The following CFAP57 variants were observed in gnomAD, a reference collection of about 807,000 sequenced individuals.
CFAP57 encodes cilia- and flagella-associated protein 57.
A neutral mutation model predicts 146.8 loss-of-function variants in CFAP57; 116 were observed. That is an observed-to-expected ratio of 0.79 (90% confidence interval 0.68 to 0.92). The LOEUF is 0.92. Ranked by LOEUF, CFAP57 falls within the 40% of genes least tolerant of loss-of-function variation. CFAP57 has a pLI of 0.00. For missense variants in CFAP57, 1,377 were observed against 1,527.2 expected (o/e 0.90, Z 1.64); for synonymous variants, 518 against 552.8 (o/e 0.94, Z 0.88).
intron 11 of CFAP57, 133 bp from the exon 12 acceptor site, chr1:43,215,122 C>T (rs1352665038): frequency 4.1e-6 from 4 of 983,178 alleles, no homozygotes; most frequent in East Asian, 5.3e-5. Context: ...CTCATTCTTA[C>T]CTGGGATCAA....
In CFAP57 at chr1:43,201,701, C is replaced by T. The variant is rs557016189; in HGVS notation, c.1542+2198C>T. Among the ~76,000 whole-genome samples, 18 of 152,298 alleles carry T rather than the reference C, an allele frequency of 1.2e-4. No homozygotes were observed. In the East Asian group the frequency reaches 2.1e-3, roughly 18 times the overall value. ...CACAATCTCAGCTCACCGCAACCTC[C>T]GCCTCCCAGGTTCAAGCGATTCTCC... On this transcript the variant is annotated intron_variant, in intron 9 of 22. Transcript: ENST00000372492. This position sits in a 1 kb window ranked among gnomAD's most constrained non-coding sequence, Gnocchi z 4.4.
chr1:43,219,301 C>A, intron 12 of CFAP57, 81 bp from the exon 13 acceptor site: 1 of 1,421,656 alleles, frequency 7.0e-7, no homozygotes, highest in Non-Finnish European at 9.4e-7. Flanking sequence ...AGCTGCAGGT[C>A]TCAGGTCAAG....
intron 9 of CFAP57, among the ~76,000 whole-genome samples, chr1:43,200,359 C>T (rs1644064463): frequency 6.6e-6 from 1 of 151,766 alleles, no homozygotes; most frequent in Non-Finnish European, 1.5e-5. Flanking sequence ...TGGTGGCACA[C>T]ACCTGTGGTC....
In CFAP57 at chr1:43,172,367, G is replaced by A. The variant is rs1189695676; in HGVS notation, c.-106G>A. The stretch of plus-strand genomic sequence containing the variant: ...TCGTTGCTATAGGAACCGCTACGGC[G>A]TTTGAAAGTGTCCGGGTTGCTTAGG... On this transcript the variant is annotated 5_prime_UTR_variant, in exon 1 of 23. Transcript: ENST00000372492. The A allele has an allele frequency of 7.1e-6, 11 of 1,551,600 alleles. No homozygotes were observed. The highest frequency in any genetic ancestry group is 9.6e-6 in the Non-Finnish European group (11 of 1,146,980).
At chr1:43,242,394 A>G (rs1240381720) in intron 21 of CFAP57, among the ~76,000 whole-genome samples, 2 of 152,244 alleles carry the variant, frequency 1.3e-5, no homozygotes, top group Non-Finnish European at 2.9e-5. Context: ...TAGTATCTCC[A>G]TAATATTGGA....
chr1:43,228,582 G>C (rs1029479321), intron 18 of CFAP57, among the ~76,000 whole-genome samples: 1 of 148,642 alleles, frequency 6.7e-6, no homozygotes, highest in African/African-American at 2.5e-5. Context: ...GGGCCAGGGG[G>C]CCCAGAGAGG....
intron 7 of CFAP57, among the ~76,000 whole-genome samples, chr1:43,198,199 C>T (rs1643946974): frequency 6.6e-6 from 1 of 152,154 alleles, no homozygotes; most frequent in Admixed American, 6.5e-5. Flanking sequence ...ACTTCTGGGG[C>T]TTCTGGGGAA....
In CFAP57 at chr1:43,224,124, G is replaced by C; in HGVS notation, c.2785G>C (p.Gly929Arg). 1 of 1,550,550 alleles carries C rather than the reference G, an allele frequency of 6.4e-7. No individual in the cohort carries two copies. The highest frequency in any genetic ancestry group is 8.7e-7 in the Non-Finnish European group (1 of 1,146,944). The stretch of plus-strand genomic sequence containing the variant: ...AAAAGGAGAGCAGATGAAGCTGCAA[G>C]GAGTCATTAAGTCTCTGGAGAAGGA... ...TLKGEQMKLQ[G>R]VIKSLEKDIQ... The change falls in exon 17 of 23, where the codon GGA becomes CGA. Residue 929 changes from glycine (G) to arginine (R), a missense_variant. Gly to Arg is a moderately radical substitution (Grantham distance 125). Coordinates refer to ENST00000372492, the MANE Select transcript of CFAP57 (RefSeq NM_001378189.1).
At chr1:43,252,155 G>C (rs1184651811) in intron 22 of CFAP57, among the ~76,000 whole-genome samples, 1 of 151,914 alleles carries the variant, frequency 6.6e-6, no homozygotes, top group African/African-American at 2.4e-5. Context: ...AACTGACAAG[G>C]ATATCTGTTT....
At chr1:43,173,398 C>T (rs1462444255) in intron 2 of CFAP57, among the ~76,000 whole-genome samples, 3 of 152,176 alleles carry the variant, frequency 2.0e-5, no homozygotes, top group Non-Finnish European at 2.9e-5. Flanking sequence ...TTTCAACAAC[C>T]GAATCCATTT....
At chr1:43,215,964 C>G (rs554667372) in intron 12 of CFAP57, among the ~76,000 whole-genome samples, 1 of 152,306 alleles carries the variant, frequency 6.6e-6, no homozygotes, top group African/African-American at 2.4e-5. Context: ...CCCTTAATCA[C>G]TATACCAAAG....
chr1:43,226,174 A>G (rs1314754366), intron 17 of CFAP57, among the ~76,000 whole-genome samples: 1 of 152,252 alleles, frequency 6.6e-6, no homozygotes, highest in East Asian at 1.9e-4. Flanking sequence ...CCCATCTCAA[A>G]AAGAAAAACT....
In CFAP57 at chr1:43,195,862, G is replaced by A. The variant is rs1208802821; in HGVS notation, c.1123-1691G>A. On this transcript the variant is annotated intron_variant, in intron 6 of 22. Coordinates refer to ENST00000372492, the MANE Select transcript of CFAP57 (RefSeq NM_001378189.1). ...CTACTTATCATAGGGAGGAACAGAA[G>A]TAAAAATTGAGAAAGAAAGGAGCGA... Among the ~76,000 whole-genome samples the A allele has an allele frequency of 2.6e-5, 4 of 152,136 alleles. No homozygotes were observed. In the East Asian group the frequency reaches 7.7e-4, roughly 29 times the overall value.
chr1:43,232,030 G>A (rs1557815471), intron 18 of CFAP57: 2 of 696,126 alleles, frequency 2.9e-6, no homozygotes, highest in Admixed American at 2.0e-5. Context: ...GATGGGTGGT[G>A]CCCACATGTT....
At position 43,185,182 on chromosome 1, in the gene CFAP57, C is replaced by T. The variant is rs145155093; in HGVS notation, c.795C>T (p.Leu265=). 1.2e-6 allele frequency: 2 copies of T among 1,614,050 alleles called. No individual in the cohort carries two copies. The highest frequency in any genetic ancestry group is 2.7e-5 in the African/African-American group (2 of 74,910). The stretch of plus-strand genomic sequence containing the variant: ...AATTTCCACCAGTCAGTTCTCCACT[C>T]CCTTCCTATGAACAGATGGTGGCGG... ...LIEFPPVSSP[L]PSYEQMVAAS... Residue 265 remains leucine (L), a synonymous_variant, in exon 5 of 23, where the codon CTC becomes CTT. Transcript: ENST00000372492.
chr1:43,252,964 A>G (rs1209834179), intron 22 of CFAP57, among the ~76,000 whole-genome samples: 2 of 152,210 alleles, frequency 1.3e-5, no homozygotes, highest in Non-Finnish European at 2.9e-5. Flanking sequence ...GGATAATGCA[A>G]TGTATGTCTA....
At chr1:43,186,590 A>T (rs899463960) in intron 5 of CFAP57, 117 bp from the exon 6 acceptor site, 1 of 1,185,508 alleles carries the variant, frequency 8.4e-7, no homozygotes, top group Non-Finnish European at 1.2e-6. Flanking sequence ...TGGCCTGGGC[A>T]AAAGAGCGAG....
intron 22 of CFAP57, among the ~76,000 whole-genome samples, chr1:43,249,668 C>A (rs975430507): frequency 1.2e-4 from 17 of 143,582 alleles, no homozygotes; most frequent in African/African-American, 4.4e-4. Context: ...TGGTCTCGAA[C>A]TCCTGAGCTC....
Position 43,185,310 on chromosome 1 carries a change from A to G in CFAP57, c.923A>G (p.Glu308Gly). 1 of 1,614,042 alleles carries G rather than the reference A, an allele frequency of 6.2e-7. No individual in the cohort carries two copies. The highest frequency in any genetic ancestry group is 1.1e-5 in the South Asian group (1 of 91,074). The change falls in exon 5 of 23, where the codon GAG (glutamate) becomes GGG (glycine). Residue 308 changes from glutamate to glycine, a missense_variant. Coordinates refer to ENST00000372492, the MANE Select transcript of CFAP57 (RefSeq NM_001378189.1). ...GGGCCAGGGAGAGTTCTGCTGTTTGAGAAGATGGAAGAAAAGGATTTTTAC... is the reference window on the plus strand; with the variant it reads ...GGGCCAGGGAGAGTTCTGCTGTTTGGGAAGATGGAAGAAAAGGATTTTTAC... ...SAGPGRVLLF[E>G]KMEEKDFYRE...
Sources: allele counts gnomAD v4.1 joint callset (sites outside exome capture counted in the v4.1 genomes callset), GRCh38; gene constraint gnomAD v4.1.1; non-coding constraint Gnocchi (gnomAD v3.1); transcripts MANE v1.5; gene names NCBI Gene and HGNC (gene_info 2026-07-23, HGNC 2026-07-21).